Variants in EPHB1 observed in about 807,000 individuals in gnomAD.
EPHB1 encodes the protein ephrin type-B receptor 1.
A neutral mutation model predicts 94.4 loss-of-function variants in EPHB1; 30 were observed. The observed-to-expected ratio is 0.32, with a 90% CI of 0.24 to 0.43. The LOEUF (loss-of-function observed/expected upper bound fraction) is 0.43. EPHB1 is among the 20% of genes least tolerant of loss of function. The pLI is 1.00. For missense variants in EPHB1, 1,055 were observed against 1,308.3 expected (o/e 0.81, Z 2.99); for synonymous variants, 522 against 489.1 (o/e 1.07, Z -0.89).
chr3:135,101,426 T>C (rs1240094608), intron 3 of EPHB1, among the ~76,000 whole-genome samples: 2 of 151,984 alleles, frequency 1.3e-5, no homozygotes, highest in Non-Finnish European at 2.9e-5. Flanking sequence ...CAGGCTGGAG[T>C]GCAGTGGCGC....
At chr3:134,910,331 C>A (rs1228567779) in intron 1 of EPHB1, among the ~76,000 whole-genome samples, 1 of 152,150 alleles carries the variant, frequency 6.6e-6, no homozygotes, top group Non-Finnish European at 1.5e-5. Context: ...GTTTGCCCCC[C>A]ACTGTGGAAA....
intron 4 of EPHB1, among the ~76,000 whole-genome samples, chr3:135,112,468 C>T (rs919205188): frequency 6.6e-6 from 1 of 151,808 alleles, no homozygotes; most frequent in African/African-American, 2.4e-5. Context: ...ATACATGTGC[C>T]ATGTTGGTCT....
intron 3 of EPHB1, among the ~76,000 whole-genome samples, chr3:135,058,491 C>A (rs546171133): frequency 1.3e-5 from 2 of 152,324 alleles, no homozygotes; most frequent in African/African-American, 4.8e-5. Context: ...TGCTCTCCTG[C>A]TGCTGTATAA....
intron 3 of EPHB1, among the ~76,000 whole-genome samples, chr3:134,979,713 A>T (rs1035354817): frequency 1.3e-5 from 2 of 152,156 alleles, no homozygotes; most frequent in Non-Finnish European, 2.9e-5. Context: ...TATTAAATGC[A>T]TTTTCAGCTT....
chr3:134,962,323 G>A (rs1463153071), intron 3 of EPHB1, among the ~76,000 whole-genome samples: 1 of 152,140 alleles, frequency 6.6e-6, no homozygotes, highest in Admixed American at 6.5e-5. Context: ...GGTGGTTCGG[G>A]TATGGTCTGT....
intron 2 of EPHB1, among the ~76,000 whole-genome samples, chr3:134,949,784 T>C (rs1474296807): frequency 6.6e-6 from 1 of 152,172 alleles, no homozygotes; most frequent in East Asian, 1.9e-4. Flanking sequence ...CCTGGAAATA[T>C]CCTCCGTTCT....
At chr3:134,874,851 T>C (rs1326537825) in intron 1 of EPHB1, among the ~76,000 whole-genome samples, 2 of 152,218 alleles carry the variant, frequency 1.3e-5, no homozygotes, top group Non-Finnish European at 2.9e-5. Context: ...ATTTACAGAG[T>C]GTGGGCCTCT....
chr3:135,038,106 G>A (rs1710502956), intron 3 of EPHB1, among the ~76,000 whole-genome samples: 2 of 152,212 alleles, frequency 1.3e-5, no homozygotes, highest in Admixed American at 6.5e-5. Context: ...GGGCAAGTTA[G>A]CCATTTGTAG....
intron 3 of EPHB1, among the ~76,000 whole-genome samples, chr3:134,986,711 A>ACACACACAC (rs138369571): frequency 3.4e-5 from 5 of 145,628 alleles, no homozygotes; most frequent in Non-Finnish European, 7.5e-5. Context: ...TAAAGATATT[A>ACACACACAC]ACACACACAC....
chr3:135,129,556 G>C (rs1940345532), intron 4 of EPHB1, among the ~76,000 whole-genome samples: 1 of 152,204 alleles, frequency 6.6e-6, no homozygotes, highest in Non-Finnish European at 1.5e-5. Context: ...AAACCAGGTG[G>C]GAGGGCAAAG....
chr3:135,039,674 GC>G (rs778831694), intron 3 of EPHB1, among the ~76,000 whole-genome samples: 86 of 152,360 alleles, frequency 5.6e-4, no homozygotes, highest in Non-Finnish European at 1.0e-3. Context: ...TGGCCCGGCT[GC>G]TAAGTCCCCC....
intron 9 of EPHB1, among the ~76,000 whole-genome samples, chr3:135,170,807 G>T (rs908954093): frequency 6.6e-6 from 1 of 152,196 alleles, no homozygotes; most frequent in Non-Finnish European, 1.5e-5. Flanking sequence ...TTCTGAGTTG[G>T]CTGGAATGTG....
chr3:134,894,807 A>G (rs1313095873), intron 1 of EPHB1, among the ~76,000 whole-genome samples: 1 of 152,242 alleles, frequency 6.6e-6, no homozygotes, highest in Non-Finnish European at 1.5e-5. Flanking sequence ...GCAGAAACAC[A>G]TTGAAGAGCC....
chr3:135,114,766 T>TAAATAAATAAAA (rs1553736241), intron 4 of EPHB1, among the ~76,000 whole-genome samples: 88 of 150,378 alleles, frequency 5.9e-4, no homozygotes, highest in Admixed American at 1.9e-3. Context: ...AATAAATAAA[T>TAAATAAATAAAA]AAAACAATAT....
At chr3:135,081,367 C>T (rs1269352737) in intron 3 of EPHB1, among the ~76,000 whole-genome samples, 1 of 152,098 alleles carries the variant, frequency 6.6e-6, no homozygotes, top group Non-Finnish European at 1.5e-5. Context: ...CGAGTAGAAT[C>T]AGATTTGCTA....
At chr3:135,191,925 T>A (rs1023191312) in intron 10 of EPHB1, among the ~76,000 whole-genome samples, 2 of 152,232 alleles carry the variant, frequency 1.3e-5, no homozygotes, top group African/African-American at 4.8e-5. Flanking sequence ...GGGCTGCTTT[T>A]GCAATGGGAA....
At chr3:135,044,782 C>T (rs548596567) in intron 3 of EPHB1, among the ~76,000 whole-genome samples, 6 of 152,214 alleles carry the variant, frequency 3.9e-5, no homozygotes, top group African/African-American at 1.2e-4. Flanking sequence ...GTTTTTAAAG[C>T]GGTGTCTTAA....
At chr3:135,176,722 T>C (rs1435962743) in intron 9 of EPHB1, among the ~76,000 whole-genome samples, 1 of 152,232 alleles carries the variant, frequency 6.6e-6, no homozygotes, top group Non-Finnish European at 1.5e-5. Flanking sequence ...GCTCCTTCCT[T>C]GAACTGATTG....
At chr3:134,924,633 T>C (rs1249805035) in intron 1 of EPHB1, among the ~76,000 whole-genome samples, 2 of 152,116 alleles carry the variant, frequency 1.3e-5, no homozygotes, top group Non-Finnish European at 2.9e-5. Flanking sequence ...CCATAGACTC[T>C]CACAATAATA....
Sources: gnomAD v4.1 joint callset for allele counts (sites outside exome capture counted in the v4.1 genomes callset) on GRCh38, gnomAD v4.1.1 for gene constraint, MANE v1.5 for transcripts, NCBI Gene and HGNC (gene_info 2026-07-23, HGNC 2026-07-21) for gene names.